TENM2: variants seen among roughly 807,000 people sequenced by gnomAD.
TENM2 encodes the protein teneurin transmembrane protein 2.
TENM2 carries 52 observed loss-of-function variants against 245.2 expected under a neutral mutation model. That is an observed-to-expected ratio of 0.21 (90% CI 0.17 to 0.27). TENM2 has a LOEUF of 0.27. TENM2 is among the 10% of genes least tolerant of loss of function. The pLI, the probability that TENM2 is intolerant of heterozygous loss-of-function variation, is 1.00. For missense variants in TENM2, 3,046 were observed against 3,666.8 expected (o/e 0.83, Z 4.37); for synonymous variants, 1,363 against 1,438.9 (o/e 0.95, Z 1.19).
intron 2 of TENM2, among the ~76,000 whole-genome samples, chr5:167,722,039 G>A (rs528591334): frequency 6.6e-6 from 1 of 152,290 alleles, no homozygotes; most frequent in East Asian, 1.9e-4. Context: ...AGTAGGCTCT[G>A]TCCCAGGGCC....
chr5:167,859,847 C>CA (rs1771552074), intron 2 of TENM2, among the ~76,000 whole-genome samples: 1 of 44,796 alleles, frequency 2.2e-5, no homozygotes, highest in Non-Finnish European at 4.7e-5. Flanking sequence ...TCTGCCCGGC[C>CA]GCCCCTACTG....
intron 2 of TENM2, among the ~76,000 whole-genome samples, chr5:167,642,055 C>T (rs530634759): frequency 2.0e-5 from 3 of 151,224 alleles, no homozygotes; most frequent in Admixed American, 6.6e-5. Flanking sequence ...GCAGGAGATT[C>T]GCTTGAACCC....
chr5:167,410,226 A>G (rs4317341), intron 2 of TENM2, among the ~76,000 whole-genome samples: 66,638 of 151,724 alleles, frequency 0.44, 15,188 homozygotes, highest in Admixed American at 0.5. Flanking sequence ...TCTTGATTAG[A>G]AAAATAGCAA....
chr5:168,070,456 T>C (rs1429630470), intron 7 of TENM2, among the ~76,000 whole-genome samples: 1 of 152,080 alleles, frequency 6.6e-6, no homozygotes, highest in Non-Finnish European at 1.5e-5. Flanking sequence ...GGTTGAATTA[T>C]AATTTTTAAA....
intron 13 of TENM2, among the ~76,000 whole-genome samples, chr5:168,185,471 A>G (rs933846482): frequency 6.6e-6 from 1 of 152,156 alleles, no homozygotes; most frequent in African/African-American, 2.4e-5. Flanking sequence ...CATCATCAAC[A>G]TCATCATCAT....
At chr5:167,310,529 A>T (rs1178619170) in intron 1 of TENM2, among the ~76,000 whole-genome samples, 2 of 152,240 alleles carry the variant, frequency 1.3e-5, no homozygotes, top group Admixed American at 1.3e-4. Context: ...TTTCAGAGAA[A>T]ACTTAATAAA....
chr5:168,147,990 G>A (rs1275141462), intron 12 of TENM2, among the ~76,000 whole-genome samples: 1 of 152,224 alleles, frequency 6.6e-6, no homozygotes, highest in Non-Finnish European at 1.5e-5. Flanking sequence ...GAAACTCTGA[G>A]ATGGTTAGAG....
upstream of TENM2, chr5:167,284,770 A>G (rs1019090654): frequency 1.4e-4 from 168 of 1,222,434 alleles, no homozygotes; most frequent in Non-Finnish European, 1.9e-4. Context: ...TCAGGTGGCA[A>G]AGTGACAAGT....
intron 2 of TENM2, among the ~76,000 whole-genome samples, chr5:167,615,182 A>G (rs1164618230): frequency 2.0e-5 from 3 of 152,132 alleles, no homozygotes; most frequent in African/African-American, 7.2e-5. Flanking sequence ...CAATATTTCT[A>G]TTCTGGACTG....
chr5:167,068,211 G>A, the TENM2 span, among the ~76,000 whole-genome samples: 1 of 152,160 alleles, frequency 6.6e-6, no homozygotes, highest in African/African-American at 2.4e-5. Context: ...AATTGCAGGG[G>A]TTGGCTTGCA....
chr5:168,139,897 G>A (rs940179470), intron 12 of TENM2, among the ~76,000 whole-genome samples: 2 of 152,174 alleles, frequency 1.3e-5, no homozygotes, highest in Non-Finnish European at 2.9e-5. Context: ...GGATTGTTAT[G>A]TATGGTCTCC....
At chr5:167,034,628 T>C in the TENM2 span, among the ~76,000 whole-genome samples, 10 of 16,452 alleles carry the variant, frequency 6.1e-4, no homozygotes, top group Admixed American at 1.0e-3. Context: ...AGACTCCGTC[T>C]CAAAAAAAAA....
chr5:167,049,845 G>A, the TENM2 span, among the ~76,000 whole-genome samples: 4 of 152,030 alleles, frequency 2.6e-5, no homozygotes, highest in Middle Eastern at 3.4e-3. Flanking sequence ...TTCAGTCTCC[G>A]TTGTACCAGA....
At chr5:167,807,629 A>ATT (rs1561803885) in intron 2 of TENM2, among the ~76,000 whole-genome samples, 54 of 16,460 alleles carry the variant, frequency 3.3e-3, no homozygotes, top group African/African-American at 7.3e-3. Context: ...TTTTTTAAAA[A>ATT]AAAAAAAAAA....
intron 2 of TENM2, among the ~76,000 whole-genome samples, chr5:167,618,642 A>T (rs1777954930): frequency 6.6e-6 from 1 of 152,104 alleles, no homozygotes. Context: ...TGCAAAGCAG[A>T]ATAGTTGTCC....
intron 24 of TENM2, 120 bp from the exon 27 acceptor site, chr5:168,227,775 G>A (rs776872392): frequency 2.2e-5 from 14 of 629,206 alleles, no homozygotes; most frequent in Admixed American, 6.0e-5. Flanking sequence ...GGCAGCCTTC[G>A]ACTAATGGCT....
chr5:167,555,623 G>A (rs572144375), intron 2 of TENM2, among the ~76,000 whole-genome samples: 7 of 152,056 alleles, frequency 4.6e-5, no homozygotes, highest in Non-Finnish European at 1.0e-4. Context: ...TAGGAACGAG[G>A]GGAAAAGAAT....
intron 1 of TENM2, among the ~76,000 whole-genome samples, chr5:167,368,218 C>T (rs1760182886): frequency 6.6e-6 from 1 of 151,808 alleles, no homozygotes; most frequent in Non-Finnish European, 1.5e-5. Context: ...ATTTCATTTA[C>T]TATTAGAACT....
intron 12 of TENM2, among the ~76,000 whole-genome samples, chr5:168,156,045 A>AAAC (rs935728879): frequency 2.0e-5 from 3 of 151,988 alleles, no homozygotes; most frequent in Non-Finnish European, 2.9e-5. Context: ...AAAAGAGGCA[A>AAAC]AACTTTCTGC....
Sources: gnomAD v4.1 joint callset for allele counts (sites outside exome capture counted in the v4.1 genomes callset) on GRCh38, gnomAD v4.1.1 for gene constraint, MANE v1.5 for transcripts, NCBI Gene and HGNC (gene_info 2026-07-23, HGNC 2026-07-21) for gene names.